Variants in COL28A1 observed in about 807,000 individuals in gnomAD.
The protein encoded by COL28A1 is collagen type XXVIII alpha 1 chain, also known as collagen alpha-1(XXVIII) chain.
In COL28A1, 161 loss-of-function variants were observed where a neutral mutation model predicts 150.2. The ratio of observed to expected loss-of-function variants is 1.07; its 90% CI spans 0.94 to 1.22. The LOEUF is 1.22. Ranked by LOEUF, COL28A1 falls within the 50% of genes most tolerant of loss-of-function variation. COL28A1 has a pLI of 0.00. For synonymous variants in COL28A1, 552 were observed against 469.7 expected, an observed-to-expected ratio of 1.18 and a Z score of -2.26; for missense variants, 1,617 against 1,388.3, an observed-to-expected ratio of 1.16 and a Z score of -2.62.
At chr7:7,398,954 T>C (rs759950260) in intron 27 of COL28A1, among the ~76,000 whole-genome samples, 6 of 152,184 alleles carry the variant, frequency 3.9e-5, no homozygotes, top group Non-Finnish European at 8.8e-5. Context: ...CAGGGTCCCT[T>C]ACTTTTACCT....
intron 27 of COL28A1, among the ~76,000 whole-genome samples, chr7:7,383,487 C>G (rs1375297136): frequency 6.6e-6 from 1 of 151,730 alleles, no homozygotes; most frequent in East Asian, 1.9e-4. Context: ...CCATGTTGGC[C>G]AGTCTGGTCT....
intron 8 of COL28A1, 58 bp from the exon 9 acceptor site, chr7:7,511,193 A>T (rs1781116454): frequency 7.4e-7 from 1 of 1,347,050 alleles, no homozygotes; most frequent in East Asian, 2.3e-5. Context: ...CACTATTAAG[A>T]ATGTTTGTTT....
chr7:7,461,426 CCA>C (rs1787612037), intron 15 of COL28A1, among the ~76,000 whole-genome samples: 2 of 152,272 alleles, frequency 1.3e-5, no homozygotes, highest in South Asian at 4.2e-4. Context: ...TGTGCAGACT[CCA>C]CAGACAGGGG....
chr7:7,372,968 CT>C, intron 32 of COL28A1, 29 bp downstream of exon 32: 1 of 1,584,456 alleles, frequency 6.3e-7, no homozygotes, highest in Non-Finnish European at 8.6e-7. Flanking sequence ...ACATAAATGC[CT>C]TTCCCCTGGG....
intron 23 of COL28A1, among the ~76,000 whole-genome samples, chr7:7,433,983 G>C (rs148191524): frequency 1.8e-4 from 27 of 152,246 alleles, no homozygotes; most frequent in African/African-American, 6.3e-4. Context: ...ACTGCCCAAA[G>C]TCCAACTCTC....
chr7:7,356,006 C>G (rs1157767759), downstream of COL28A1, among the ~76,000 whole-genome samples: 1 of 151,860 alleles, frequency 6.6e-6, no homozygotes, highest in East Asian at 1.9e-4. Flanking sequence ...AGTAAATGAA[C>G]ATGTATGAAT....
intron 30 of COL28A1, among the ~76,000 whole-genome samples, chr7:7,377,055 T>C (rs1781593363): frequency 6.6e-6 from 1 of 152,250 alleles, no homozygotes; most frequent in African/African-American, 2.4e-5. Flanking sequence ...TCATTTCATA[T>C]GCATGTTTCC....
At chr7:7,529,089 G>T (rs1435333373) in intron 3 of COL28A1, among the ~76,000 whole-genome samples, 1 of 151,904 alleles carries the variant, frequency 6.6e-6, no homozygotes, top group Non-Finnish European at 1.5e-5. Flanking sequence ...ATCACCTGAG[G>T]TCAGGAGTTT....
At chr7:7,360,712 C>T (rs1037650863) in intron 33 of COL28A1, among the ~76,000 whole-genome samples, 184 bp from the exon 34 acceptor site, 2 of 152,154 alleles carry the variant, frequency 1.3e-5, no homozygotes, top group Non-Finnish European at 2.9e-5. Flanking sequence ...TCCCTCAATA[C>T]CCAAGTTGTG....
chr7:7,495,083 T>C (rs1042407435), intron 11 of COL28A1, among the ~76,000 whole-genome samples: 1 of 152,162 alleles, frequency 6.6e-6, no homozygotes. Context: ...CGAGCCACAT[T>C]TGTAATTTTA....
intron 25 of COL28A1, among the ~76,000 whole-genome samples, chr7:7,427,865 A>G (rs1326578319): frequency 6.6e-6 from 1 of 152,216 alleles, no homozygotes. Flanking sequence ...GCCTAGATAG[A>G]AGACGGACAG....
In COL28A1 at chr7:7,517,835, G is replaced by C; in HGVS notation, c.816C>G (p.Gly272=). 6.2e-7 allele frequency: 1 copy of C among 1,613,594 alleles called. No individual in the cohort carries two copies. Among genetic ancestry groups the C allele is most frequent in the Non-Finnish European group, 8.5e-7 (1 of 1,179,660 alleles). ...KGERGPKGNP[G]NAQKGEAGER... is the part of the protein sequence containing the mutation. ...CTCCAGCTTCTCCTTTTTGAGCGTT[G>C]CCCTGTGACAAACAAAAAACAGTAA... is the stretch of plus-strand genomic sequence containing the variant. The change falls in exon 7 of 35, where the codon GGC becomes GGG. Residue 272 remains glycine (G), a splice_region_variant and synonymous_variant. Transcript: ENST00000399429.
chr7:7,373,732 G>A lies in COL28A1; in HGVS notation c.2360-186C>T, dbSNP rs1781366445. Among the ~76,000 whole-genome samples, 1 of 148,852 alleles carries A rather than the reference G, an allele frequency of 6.7e-6. No homozygotes were observed. On this transcript the variant is annotated intron_variant, in intron 31 of 34. Coordinates refer to ENST00000399429, the MANE Select transcript of COL28A1 (RefSeq NM_001037763.3). The surrounding 1 kb of genome is among the most constrained non-coding windows in gnomAD (Gnocchi z 4.1). ...TTTTTTTTTTGTGAGACAGAGTCTCGCTGTCGCCCAGGTTGGAGTGCAGTG... is the reference window on the plus strand; with the variant it reads ...TTTTTTTTTTGTGAGACAGAGTCTCACTGTCGCCCAGGTTGGAGTGCAGTG...
Position 7,489,412 on chromosome 7 carries a change from C to T in COL28A1, c.1141G>A (p.Gly381Arg). 6.9e-7 allele frequency: 1 copy of T among 1,458,552 alleles called. No homozygotes were observed. The highest frequency in any genetic ancestry group is 9.6e-7 in the Non-Finnish European group (1 of 1,037,852). The allele number at this position is 1,458,552 out of a possible 1,614,324, so 90.4% of individuals were successfully genotyped here. The change falls in exon 13 of 35, where the codon GGA (glycine) becomes AGA (arginine). Residue 381 changes from glycine (G) to arginine (R), a missense_variant. By Grantham distance (125) the Gly-to-Arg change is moderately radical. Coordinates refer to ENST00000399429, the MANE Select transcript of COL28A1 (RefSeq NM_001037763.3). ...ACTGGCTGTCCAGGCTCACCAACTC[C>T]AATGGGTCCTGGAGCTCCCGGTCTT... ...EGRPGAPGPI[G>R]VGEPGQPGPR...
rs570932989 is a variant in COL28A1 at position 7,492,430 on chromosome 7, A to T, written c.1027-1784T>A. 4.6e-5 allele frequency among the ~76,000 whole-genome samples: 7 copies of T among 151,282 alleles called. No homozygotes were observed. In the East Asian group the frequency reaches 1.2e-3, roughly 25 times the overall value. ...CTACTAAAAATACTAAAAAAAAAAA[A>T]AAAAATTAGCTGGGCCTGGTGGCAT... On this transcript the variant is annotated intron_variant, in intron 11 of 34. Transcript: ENST00000399429.
chr7:7,340,648 CT>C, the COL28A1 span, among the ~76,000 whole-genome samples: 82 of 151,520 alleles, frequency 5.4e-4, no homozygotes, highest in African/African-American at 1.7e-3. Context: ...CATTTCCCAT[CT>C]TTTTTTTTCC....
At chr7:7,495,167 A>G (rs1275392894) in intron 11 of COL28A1, among the ~76,000 whole-genome samples, 2 of 152,248 alleles carry the variant, frequency 1.3e-5, no homozygotes, top group Non-Finnish European at 2.9e-5. Flanking sequence ...TAATAAATAC[A>G]AAATATTATC....
At position 7,489,463 on chromosome 7, in the gene COL28A1, A is replaced by G; in HGVS notation, c.1096-6T>C. 1 of 1,206,282 alleles carries G rather than the reference A, an allele frequency of 8.3e-7. No individual in the cohort carries two copies. Among genetic ancestry groups the G allele is most frequent in the Non-Finnish European group, 1.2e-6 (1 of 807,030 alleles). The allele number at this position is 1,206,282 out of a possible 1,614,324, so 74.7% of individuals were successfully genotyped here. ...CCTTCTTGGCCTCTTTCTCCCTAAG[A>G]GAAAGAAATAATAGAATGAAAGCTT... On this transcript the variant is annotated splice_region_variant and splice_polypyrimidine_tract_variant and intron_variant, in intron 12 of 34. Transcript: ENST00000399429.
chr7:7,526,754 G>C (rs970505224), intron 3 of COL28A1, among the ~76,000 whole-genome samples: 1 of 151,966 alleles, frequency 6.6e-6, no homozygotes, highest in African/African-American at 2.4e-5. Context: ...TCCTGCCTCA[G>C]CCTCTGAAAT....
Sources: gnomAD v4.1 joint callset for allele counts (sites outside exome capture counted in the v4.1 genomes callset) on GRCh38, gnomAD v4.1.1 for gene constraint, Gnocchi (gnomAD v3.1) non-coding constraint, MANE v1.5 for transcripts, NCBI Gene and HGNC (gene_info 2026-07-23, HGNC 2026-07-21) for gene names.